Variants in PTPRG observed in about 807,000 individuals in gnomAD.
PTPRG encodes protein tyrosine phosphatase receptor type G.
Under a neutral mutation model 165.3 loss-of-function variants are expected in PTPRG, and 102 were observed. The ratio of observed to expected loss-of-function variants is 0.62; its 90% CI spans 0.53 to 0.73. PTPRG has a LOEUF of 0.73. PTPRG is among the 30% of genes least tolerant of loss of function. PTPRG has a pLI of 0.00. For missense variants in PTPRG, 1,866 were observed against 1,861.4 expected (o/e 1.00, Z -0.05); for synonymous variants, 675 against 669.5 (o/e 1.01, Z -0.13).
At chr3:61,885,466 G>T in intron 2 of PTPRG, among the ~76,000 whole-genome samples, 1 of 151,008 alleles carries the variant, frequency 6.6e-6, no homozygotes, top group Admixed American at 6.6e-5. Context: ...GAGGACTCGT[G>T]TATGTGCAGT....
At chr3:61,680,387 GCTC>G (rs1471909886) in intron 1 of PTPRG, among the ~76,000 whole-genome samples, 3 of 151,684 alleles carry the variant, frequency 2.0e-5, no homozygotes, top group Admixed American at 6.6e-5. Context: ...GCATGAATGT[GCTC>G]CTACTCTTGC....
intron 26 of PTPRG, among the ~76,000 whole-genome samples, chr3:62,280,348 C>A (rs886312673): frequency 6.6e-6 from 1 of 151,876 alleles, no homozygotes; most frequent in Non-Finnish European, 1.5e-5. Flanking sequence ...GGTTAATATA[C>A]AAAATTTGTA....
intron 1 of PTPRG, among the ~76,000 whole-genome samples, chr3:61,729,056 T>G (rs1268607692): frequency 6.9e-6 from 1 of 145,218 alleles, no homozygotes; most frequent in African/African-American, 2.5e-5. Context: ...AGAGAGACCC[T>G]GTCTCAAAAA....
chr3:62,139,155 AG>A (rs1295169583), intron 6 of PTPRG, among the ~76,000 whole-genome samples: 1 of 152,120 alleles, frequency 6.6e-6, no homozygotes, highest in Non-Finnish European at 1.5e-5. Context: ...AGGAAATGTG[AG>A]GGGGACAGTC....
Position 62,191,450 on chromosome 3 carries a change from G to C in PTPRG, c.1034-19G>C, listed in dbSNP as rs768629163. 2 of 1,611,044 alleles carry C rather than the reference G, an allele frequency of 1.2e-6. No homozygotes were observed. Among genetic ancestry groups the C allele is most frequent in the Admixed American group, 1.7e-5 (1 of 59,770 alleles). On this transcript the variant is annotated intron_variant, in intron 8 of 29. Coordinates refer to ENST00000474889, the MANE Select transcript of PTPRG (RefSeq NM_002841.4). The stretch of plus-strand genomic sequence containing the variant: ...CATTGTTCTGAAAGCTCCCTGAGCT[G>C]AGCCCTGTGTATCTTCAGTTTGCAG...
chr3:62,185,230 C>A (rs767593567), intron 8 of PTPRG, among the ~76,000 whole-genome samples: 4 of 152,130 alleles, frequency 2.6e-5, no homozygotes, highest in Non-Finnish European at 2.9e-5. Context: ...GAGAAGCAAT[C>A]GGACCCCAGT....
At chr3:61,717,639 A>T (rs1326664608) in intron 1 of PTPRG, among the ~76,000 whole-genome samples, 1 of 152,054 alleles carries the variant, frequency 6.6e-6, no homozygotes, top group Non-Finnish European at 1.5e-5. Context: ...TACAAAAAAA[A>T]TTAGCTGGGC....
chr3:61,936,756 G>A (rs966528279), intron 2 of PTPRG, among the ~76,000 whole-genome samples: 1 of 152,200 alleles, frequency 6.6e-6, no homozygotes, highest in Non-Finnish European at 1.5e-5. Flanking sequence ...TTTGGATGTG[G>A]AAATTGTGTG....
At chr3:61,820,490 G>A (rs2035918099) in intron 2 of PTPRG, among the ~76,000 whole-genome samples, 1 of 151,514 alleles carries the variant, frequency 6.6e-6, no homozygotes, top group South Asian at 2.1e-4. Context: ...CCCACTAAGA[G>A]ATAATGTTTA....
At chr3:61,679,095 T>C (rs1466535299) in intron 1 of PTPRG, among the ~76,000 whole-genome samples, 1 of 152,142 alleles carries the variant, frequency 6.6e-6, no homozygotes, top group Non-Finnish European at 1.5e-5. Context: ...CATGGCAAGA[T>C]TGGGCCACAG....
intron 2 of PTPRG, among the ~76,000 whole-genome samples, chr3:61,789,417 T>C (rs1214802330): frequency 6.6e-6 from 1 of 152,222 alleles, no homozygotes; most frequent in Non-Finnish European, 1.5e-5. Flanking sequence ...CTCTAGTTTC[T>C]TATAATACAG....
chr3:61,885,680 T>TCCTCTCCTCTCCTCCCTCCTCCCCTCC, intron 2 of PTPRG, among the ~76,000 whole-genome samples: 1 of 2,948 alleles, frequency 3.4e-4, no homozygotes, highest in Non-Finnish European at 8.8e-4. Context: ...TCCTCTCCTC[T>TCCTCTCCTCTCCTCCCTCCTCCCCTCC]CCTCTCCTCT....
chr3:62,275,049 C>T (rs1702188500), intron 23 of PTPRG, among the ~76,000 whole-genome samples: 6 of 151,986 alleles, frequency 3.9e-5, no homozygotes, highest in Admixed American at 3.9e-4. Context: ...TATCCAGGGA[C>T]CATGAGTTTT....
chr3:62,031,706 G>A (rs1195862234), intron 4 of PTPRG, among the ~76,000 whole-genome samples: 2 of 152,138 alleles, frequency 1.3e-5, no homozygotes, highest in Admixed American at 1.3e-4. Context: ...GATCTGATTG[G>A]AGGCAGGGGC....
rs928438294 is a variant in PTPRG, at chr3:62,011,305, C to T, written c.519+7808C>T. On this transcript the variant is annotated intron_variant, in intron 4 of 29. Transcript: ENST00000474889. ...TCTGGTGTAAACACATGGGGCGGGT[C>T]GGAGGTTCTACGGGAACCCTTCCCT... Among the ~76,000 whole-genome samples the T allele has an allele frequency of 3.9e-5, 6 of 152,202 alleles. No individual in the cohort carries two copies. The South Asian group carries it at 6.2e-4, about 16-fold the overall frequency.
intron 8 of PTPRG, among the ~76,000 whole-genome samples, chr3:62,187,641 C>T (rs1463253991): frequency 4.6e-5 from 7 of 152,212 alleles, no homozygotes; most frequent in Admixed American, 3.9e-4. Flanking sequence ...TATTTACTAT[C>T]TGGCCCTTTA....
chr3:61,824,038 G>T (rs2036035032), intron 2 of PTPRG, among the ~76,000 whole-genome samples: 1 of 152,064 alleles, frequency 6.6e-6, no homozygotes, highest in African/African-American at 2.4e-5. Context: ...GCAGGAGAAT[G>T]GCATGAACCT....
At chr3:61,660,830 A>T (rs1301451650) in intron 1 of PTPRG, among the ~76,000 whole-genome samples, 2 of 152,034 alleles carry the variant, frequency 1.3e-5, no homozygotes, top group Non-Finnish European at 2.9e-5. Context: ...TTGAAACCCC[A>T]TCTCTACTAA....
intron 2 of PTPRG, among the ~76,000 whole-genome samples, chr3:61,909,684 CCTCAA>C: frequency 6.6e-6 from 1 of 152,230 alleles, no homozygotes; most frequent in African/African-American, 2.4e-5. Flanking sequence ...TGGCATCTGA[CCTCAA>C]CTGAAGTTTT....
Sources: gnomAD v4.1 joint callset for allele counts (sites outside exome capture counted in the v4.1 genomes callset) on GRCh38, gnomAD v4.1.1 for gene constraint, MANE v1.5 for transcripts, NCBI Gene and HGNC (gene_info 2026-07-23, HGNC 2026-07-21) for gene names.